The following MTMR9 variants were observed in gnomAD, a reference collection of about 807,000 sequenced individuals.
MTMR9 encodes myotubularin related protein 9, also known as myotubularin-related protein 9.
In MTMR9, 39 loss-of-function variants were observed where a neutral mutation model predicts 69.5. That is an observed-to-expected ratio of 0.56 (90% CI 0.43 to 0.73). The LOEUF (loss-of-function observed/expected upper bound fraction) is 0.73. Among genes scored for constraint, MTMR9 ranks in the 30% least tolerant of loss-of-function variants. The probability of loss-of-function intolerance (pLI) is 0.00; values close to 1 mark genes in which losing one functional copy is unlikely to be tolerated. For missense variants in MTMR9, 900 were observed against 671.2 expected (o/e 1.34, Z -3.77); for synonymous variants, 354 against 240.8 (o/e 1.47, Z -4.35).
chr8:11,292,723 T>C (rs1275075918), intron 1 of MTMR9, among the ~76,000 whole-genome samples: 4 of 152,228 alleles, frequency 2.6e-5, no homozygotes, highest in Non-Finnish European at 5.9e-5. Flanking sequence ...AGTGTATGTT[T>C]GTATATTCAT....
chr8:11,330,988 C>T, downstream of MTMR9: 1 of 1,465,630 alleles, frequency 6.8e-7, no homozygotes, highest in Non-Finnish European at 9.0e-7. Flanking sequence ...AGGCGTGCTA[C>T]CACCTCAGGA....
At chr8:11,289,829 C>T (rs1047751491) in intron 1 of MTMR9, among the ~76,000 whole-genome samples, 1 of 152,214 alleles carries the variant, frequency 6.6e-6, no homozygotes, top group African/African-American at 2.4e-5. Context: ...CATTTCACTG[C>T]TTCTGACAGC....
At chr8:11,322,521 A>G (rs1339602793) in intron 9 of MTMR9, 104 bp from the exon 10 acceptor site, 1 of 961,044 alleles carries the variant, frequency 1.0e-6, no homozygotes. Flanking sequence ...GCAACAAAAG[A>G]AAAAAGAATG....
rs536240161 is a variant in MTMR9, at chr8:11,323,398, C to A, written c.*610C>A. Reference sequence around the variant, plus strand: ...ATCTGTTATTCAAGGTAAATTATTTCTACAAGGGCAACAGGTATGGTCCTC... The same window carrying A: ...ATCTGTTATTCAAGGTAAATTATTTATACAAGGGCAACAGGTATGGTCCTC... On this transcript the variant is annotated 3_prime_UTR_variant, in exon 10 of 10. Coordinates refer to ENST00000221086, the MANE Select transcript of MTMR9 (RefSeq NM_015458.4). 1.3e-5 allele frequency: 2 copies of A among 152,298 alleles called. No homozygotes were observed. Among genetic ancestry groups the A allele is most frequent in the African/African-American group, 4.8e-5 (2 of 41,570 alleles). The allele number at this position is 152,298 out of a possible 1,614,324, so 9.4% of individuals were successfully genotyped here. A position where few individuals can be genotyped will look rare whatever the true frequency, so the allele number is the denominator to read the frequency against.
chr8:11,332,424 AAG>A (rs1419927501), downstream of MTMR9, among the ~76,000 whole-genome samples: 1 of 152,144 alleles, frequency 6.6e-6, no homozygotes, highest in African/African-American at 2.4e-5. Flanking sequence ...AAATATGCAC[AAG>A]AGTTAAAAGA....
At chr8:11,302,896 A>T (rs1255729605) in intron 3 of MTMR9, among the ~76,000 whole-genome samples, 1 of 152,102 alleles carries the variant, frequency 6.6e-6, no homozygotes, top group East Asian at 1.9e-4. Context: ...GGTTTCTAGG[A>T]ATATATCTAA....
At chr8:11,331,937 C>A (rs1321990907), downstream of MTMR9, 1 of 1,611,892 alleles carries the variant, frequency 6.2e-7, no homozygotes, top group African/African-American at 1.3e-5. Context: ...TCACCAAGGC[C>A]CACCCTGCCC....
chr8:11,297,758 CATT>C, intron 2 of MTMR9: 1 of 398,162 alleles, frequency 2.5e-6, no homozygotes, highest in Non-Finnish European at 5.0e-6. Flanking sequence ...GAAACTGACT[CATT>C]ATATAAAAGC....
chr8:11,316,535 C>G (rs991387413), intron 7 of MTMR9, 138 bp from the exon 8 acceptor site: 1 of 490,910 alleles, frequency 2.0e-6, no homozygotes, highest in Non-Finnish European at 3.5e-6. Flanking sequence ...AATCATTAAT[C>G]TGTACAACAG....
At chr8:11,285,243 C>T (rs1350970614) in intron 1 of MTMR9, 173 bp downstream of exon 1, 7 of 604,314 alleles carry the variant, frequency 1.2e-5, no homozygotes, top group African/African-American at 7.6e-5. Flanking sequence ...AGATGGAGGA[C>T]CCGGTTTCCA....
chr8:11,290,049 A>T (rs1799325187), intron 1 of MTMR9, among the ~76,000 whole-genome samples: 2 of 152,210 alleles, frequency 1.3e-5, no homozygotes, highest in South Asian at 4.1e-4. Flanking sequence ...GCTTTCCAGG[A>T]TGACAATTGC....
At chr8:11,319,393 A>C (rs1363598837) in intron 8 of MTMR9, 3 of 316,044 alleles carry the variant, frequency 9.5e-6, no homozygotes, top group African/African-American at 4.4e-5. Context: ...GTGTACAGTA[A>C]TGTTCTCTGG....
chr8:11,314,372 CT>C (rs1476468897), intron 6 of MTMR9, among the ~76,000 whole-genome samples: 1 of 152,076 alleles, frequency 6.6e-6, no homozygotes, highest in East Asian at 1.9e-4. Flanking sequence ...TAGATTGACA[CT>C]TTTATGTTTG....
At chr8:11,309,156 T>C (rs1800089770) in intron 5 of MTMR9, among the ~76,000 whole-genome samples, 1 of 152,178 alleles carries the variant, frequency 6.6e-6, no homozygotes, top group African/African-American at 2.4e-5. Flanking sequence ...GTAAGGCTGC[T>C]GATGGCACTG....
chr8:11,300,704 C>G (rs966510049), intron 3 of MTMR9: 2 of 152,038 alleles, frequency 1.3e-5, no homozygotes, highest in Non-Finnish European at 2.9e-5. Flanking sequence ...TATACAAAAA[C>G]GAATTGAATT....
chr8:11,321,330 T>A (rs1015646863), intron 9 of MTMR9: 1 of 446,186 alleles, frequency 2.2e-6, no homozygotes, highest in African/African-American at 2.0e-5. Context: ...GTTCATGATC[T>A]CTTAAACGAG....
At chr8:11,285,403 T>G in intron 1 of MTMR9, 1 of 231,340 alleles carries the variant, frequency 4.3e-6, no homozygotes, top group East Asian at 9.5e-5. Flanking sequence ...TGAATTGGTA[T>G]TGTCAGTCAC....
chr8:11,330,124 G>A (rs60639031), downstream of MTMR9, among the ~76,000 whole-genome samples: 514 of 151,564 alleles, frequency 3.4e-3, 5 homozygotes, highest in African/African-American at 0.012. Flanking sequence ...GCCCCCGCCC[G>A]GCCAGCAGCC....
At chr8:11,309,218 G>A (rs1298036565) in intron 5 of MTMR9, among the ~76,000 whole-genome samples, 1 of 152,116 alleles carries the variant, frequency 6.6e-6, no homozygotes. Context: ...AAGTGGTGCT[G>A]TGTCTCCTGA....
Sources: gnomAD v4.1 joint callset for allele counts (sites outside exome capture counted in the v4.1 genomes callset) on GRCh38, gnomAD v4.1.1 for gene constraint, MANE v1.5 for transcripts, NCBI Gene and HGNC (gene_info 2026-07-23, HGNC 2026-07-21) for gene names.